Variants in PARD3B observed in about 807,000 individuals in gnomAD.
PARD3B encodes the protein par-3 family cell polarity regulator beta.
Under a neutral mutation model 130.2 loss-of-function variants are expected in PARD3B, and 103 were observed. The observed-to-expected ratio is 0.79, with a 90% CI of 0.67 to 0.93. The LOEUF is 0.93. Ranked by LOEUF, PARD3B falls within the 40% of genes least tolerant of loss-of-function variation. The pLI is 0.00. For missense variants in PARD3B, 1,609 were observed against 1,499.2 expected, an observed-to-expected ratio of 1.07 and a Z score of -1.21; for synonymous variants, 583 against 553.2, an observed-to-expected ratio of 1.05 and a Z score of -0.76.
In PARD3B at chr2:205,458,376, G is replaced by C. The variant is rs2048342620; in HGVS notation, c.3044+17704G>C. On this transcript the variant is annotated intron_variant, in intron 20 of 22. Transcript: ENST00000406610. The surrounding 1 kb of genome is among the most constrained non-coding windows in gnomAD (Gnocchi z 4.8). The stretch of plus-strand genomic sequence containing the variant: ...TAAAGCAAAAATATTTGACCTTTCT[G>C]TACATGCGTCTTGCTCTCTGTTCGT... 6.6e-6 allele frequency among the ~76,000 whole-genome samples: 1 copy of C among 151,580 alleles called. No individual in the cohort carries two copies. The highest frequency in any genetic ancestry group is 6.6e-5 in the Admixed American group (1 of 15,176).
intron 2 of PARD3B, among the ~76,000 whole-genome samples, chr2:204,865,300 C>G (rs1246935143): frequency 1.3e-5 from 2 of 152,108 alleles, no homozygotes; most frequent in Non-Finnish European, 2.9e-5. Context: ...AGTCATTATA[C>G]AAAAAAGATA....
chr2:204,577,315 C>A (rs992963082), intron 1 of PARD3B, among the ~76,000 whole-genome samples: 1 of 152,182 alleles, frequency 6.6e-6, no homozygotes, highest in Non-Finnish European at 1.5e-5. Flanking sequence ...TCTATTTAAT[C>A]CTCACAACAA....
At chr2:204,663,851 C>T (rs980034569) in intron 1 of PARD3B, among the ~76,000 whole-genome samples, 16 of 152,182 alleles carry the variant, frequency 1.1e-4, no homozygotes, top group Non-Finnish European at 1.8e-4. Flanking sequence ...CTGTCATATA[C>T]GGTTGCATTA....
intron 3 of PARD3B, among the ~76,000 whole-genome samples, chr2:205,043,656 C>G (rs1419654701): frequency 6.6e-6 from 1 of 152,026 alleles, no homozygotes. Flanking sequence ...ATAGAGTTGT[C>G]CCCTCTCATT....
intron 2 of PARD3B, among the ~76,000 whole-genome samples, chr2:204,839,871 G>C (rs1219671882): frequency 6.6e-6 from 1 of 152,172 alleles, no homozygotes; most frequent in East Asian, 1.9e-4. Context: ...CTCATTGTCT[G>C]TAAGGCTAGG....
rs145222124 is a variant in PARD3B at position 205,470,703 on chromosome 2, A to AATG, written c.3045-29191_3045-29189dup. ...AAACTACTGAAGATCTGTAAAACGT[A>AATG]ATGAGGTTTCAAACAGATGTGGCCA... On this transcript the variant is annotated intron_variant, in intron 20 of 22. Transcript: ENST00000406610. The surrounding 1 kb of genome is among the most constrained non-coding windows in gnomAD (Gnocchi z 4.8). 0.037 allele frequency among the ~76,000 whole-genome samples: 5,675 copies of AATG among 152,254 alleles called. 315 individuals are homozygous for AATG. Among genetic ancestry groups the AATG allele is most frequent in the African/African-American group, 0.12 (5,052 of 41,514 alleles).
chr2:204,563,823 G>C (rs188346778), intron 1 of PARD3B, among the ~76,000 whole-genome samples: 3 of 152,212 alleles, frequency 2.0e-5, no homozygotes, highest in Admixed American at 2.0e-4. Flanking sequence ...ACCCAGGCTA[G>C]AGTGCAGTGG....
intron 16 of PARD3B, among the ~76,000 whole-genome samples, chr2:205,283,421 A>G (rs182666753): frequency 6.6e-6 from 1 of 152,254 alleles, no homozygotes; most frequent in Non-Finnish European, 1.5e-5. Context: ...AGTAGCTGGG[A>G]CCACAGGCGT....
At chr2:205,389,513 C>G (rs916442129) in intron 18 of PARD3B, among the ~76,000 whole-genome samples, 2 of 152,130 alleles carry the variant, frequency 1.3e-5, no homozygotes, top group Admixed American at 6.6e-5. Context: ...CAGGCACATG[C>G]CACCATGCCC....
At chr2:205,222,424 T>G (rs2038292431) in intron 15 of PARD3B, among the ~76,000 whole-genome samples, 1 of 152,154 alleles carries the variant, frequency 6.6e-6, no homozygotes, top group African/African-American at 2.4e-5. Context: ...CTCTGTGAAA[T>G]GAAGATAATA....
intron 2 of PARD3B, among the ~76,000 whole-genome samples, chr2:204,953,322 A>T (rs1689949979): frequency 6.6e-6 from 1 of 152,038 alleles, no homozygotes. Context: ...ACAATTAGGG[A>T]AAGTTGCTCA....
At chr2:205,388,274 T>C (rs1470543459) in intron 18 of PARD3B, among the ~76,000 whole-genome samples, 2 of 152,220 alleles carry the variant, frequency 1.3e-5, no homozygotes, top group Non-Finnish European at 1.5e-5. Context: ...AAGAGTATTC[T>C]GCATCTGCAG....
rs11284868 is a variant in PARD3B at position 205,590,380 on chromosome 2, TC to T, written c.3261-25071del. ...GGCTGCCCACAGCATCAGGCTTACT[TC>T]CCCCTCTTCTCAGCTACTCCACAAA... On this transcript the variant is annotated intron_variant, in intron 22 of 22. Coordinates refer to ENST00000406610, the MANE Select transcript of PARD3B (RefSeq NM_001302769.2). The surrounding 1 kb of genome is among the most constrained non-coding windows in gnomAD (Gnocchi z 4.1). Among the ~76,000 whole-genome samples the T allele has an allele frequency of 0.64, 96,873 of 152,016 alleles. 31,068 individuals are homozygous for T. The highest frequency in any genetic ancestry group is 0.81 in the East Asian group (4,159 of 5,152).
intron 1 of PARD3B, among the ~76,000 whole-genome samples, chr2:204,559,116 C>T (rs1474411227): frequency 6.6e-6 from 1 of 152,184 alleles, no homozygotes; most frequent in Admixed American, 6.5e-5. Context: ...CAATACCATT[C>T]AGGACATAGG....
intron 18 of PARD3B, among the ~76,000 whole-genome samples, chr2:205,322,433 A>T (rs1484966819): frequency 2.6e-5 from 4 of 152,166 alleles, no homozygotes; most frequent in South Asian, 4.1e-4. Flanking sequence ...GTTGGGATGC[A>T]TATCTGTTGA....
At chr2:205,212,331 G>T (rs541942594) in intron 15 of PARD3B, among the ~76,000 whole-genome samples, 1 of 152,092 alleles carries the variant, frequency 6.6e-6, no homozygotes, top group Non-Finnish European at 1.5e-5. Flanking sequence ...ACGTTTCCAG[G>T]CTTCAAGAAT....
At position 204,780,508 on chromosome 2, in the gene PARD3B, A is replaced by G. The variant is rs1261100570; in HGVS notation, c.222+94226A>G. On this transcript the variant is annotated intron_variant, in intron 2 of 22. Coordinates refer to ENST00000406610, the MANE Select transcript of PARD3B (RefSeq NM_001302769.2). ...TTTATAAACAACAGAAATGTGTTCT[A>G]TAGAATATTTCTGATTATATCTTAA... is the stretch of plus-strand genomic sequence containing the variant. 4.6e-5 allele frequency among the ~76,000 whole-genome samples: 7 copies of G among 152,192 alleles called. No individual in the cohort carries two copies. The East Asian group carries it at 1.3e-3, about 29-fold the overall frequency.
chr2:205,140,535 G>C (rs1377464968), intron 10 of PARD3B, among the ~76,000 whole-genome samples: 2 of 142,956 alleles, frequency 1.4e-5, no homozygotes, highest in Non-Finnish European at 3.0e-5. Context: ...CTCTTTGAGA[G>C]AATATGGGAG....
rs949784252 is a variant in PARD3B at position 205,590,364 on chromosome 2, C to G, written c.3261-25092C>G. Among the ~76,000 whole-genome samples the G allele has an allele frequency of 1.9e-5, 2 of 107,586 alleles. No individual in the cohort carries two copies. The highest frequency in any genetic ancestry group is 3.6e-5 in the African/African-American group (1 of 27,618). 70.6% of individuals were successfully genotyped at this position (107,586 alleles called of 152,430 possible). On this transcript the variant is annotated intron_variant, in intron 22 of 22. Coordinates refer to ENST00000406610, the MANE Select transcript of PARD3B (RefSeq NM_001302769.2). The surrounding 1 kb of genome is among the most constrained non-coding windows in gnomAD (Gnocchi z 4.1). The stretch of plus-strand genomic sequence containing the variant: ...ACCATGGTGGCAAGATGGCTGCCCA[C>G]AGCATCAGGCTTACTTCCCCCTCTT...
Sources: allele counts gnomAD v4.1 joint callset (sites outside exome capture counted in the v4.1 genomes callset), GRCh38; gene constraint gnomAD v4.1.1; non-coding constraint Gnocchi (gnomAD v3.1); transcripts MANE v1.5; gene names NCBI Gene and HGNC (gene_info 2026-07-23, HGNC 2026-07-21).